HMGCLL1: variants seen among roughly 807,000 people sequenced by gnomAD.
HMGCLL1 encodes the protein 3-hydroxymethyl-3-methylglutaryl-CoA lyase, cytoplasmic.
A neutral mutation model predicts 39.1 loss-of-function variants in HMGCLL1; 36 were observed. The ratio of observed to expected loss-of-function variants is 0.92; its 90% CI spans 0.71 to 1.22. The LOEUF (loss-of-function observed/expected upper bound fraction) is 1.22, where lower values mean the gene tolerates loss of function less well. Among genes scored for constraint, HMGCLL1 ranks in the 50% most tolerant of loss-of-function variants. HMGCLL1 has a pLI of 0.00. For synonymous variants in HMGCLL1, 149 were observed against 144.0 expected (o/e 1.03, Z -0.25); for missense variants, 451 against 416.5 (o/e 1.08, Z -0.72).
intron 1 of HMGCLL1, among the ~76,000 whole-genome samples, chr6:55,545,745 T>C (rs1298632492): frequency 6.6e-6 from 1 of 152,116 alleles, no homozygotes; most frequent in Non-Finnish European, 1.5e-5. Flanking sequence ...TTGTATAACA[T>C]TTAGTTGGAT....
At chr6:55,540,722 G>C (rs763105605) in intron 3 of HMGCLL1, among the ~76,000 whole-genome samples, 2 of 152,114 alleles carry the variant, frequency 1.3e-5, no homozygotes, top group African/African-American at 2.4e-5. Context: ...TTGCACTCCT[G>C]GCATAAAGCA....
chr6:55,623,778 A>G, the HMGCLL1 span, among the ~76,000 whole-genome samples: 2 of 151,830 alleles, frequency 1.3e-5, no homozygotes, highest in Non-Finnish European at 2.9e-5. Flanking sequence ...GTGCATATGT[A>G]TATACACTCA....
the HMGCLL1 span, among the ~76,000 whole-genome samples, chr6:55,621,642 G>T: frequency 1.3e-5 from 2 of 151,790 alleles, no homozygotes; most frequent in Admixed American, 6.6e-5. Context: ...CAAGCTCAGT[G>T]CTCCGACTGT....
At chr6:55,671,174 T>C in the HMGCLL1 span, among the ~76,000 whole-genome samples, 9 of 151,802 alleles carry the variant, frequency 5.9e-5, no homozygotes, top group Non-Finnish European at 1.2e-4. Flanking sequence ...AAGCAGTGAA[T>C]AGGATGAAAT....
At chr6:55,651,192 C>T in the HMGCLL1 span, among the ~76,000 whole-genome samples, 2 of 152,162 alleles carry the variant, frequency 1.3e-5, no homozygotes, top group South Asian at 4.1e-4. Flanking sequence ...GTTCCTGCAG[C>T]ATACTCCCTC....
At chr6:55,666,967 A>G in the HMGCLL1 span, among the ~76,000 whole-genome samples, 1 of 151,504 alleles carries the variant, frequency 6.6e-6, no homozygotes, top group South Asian at 2.1e-4. Flanking sequence ...GCTCCTGCAC[A>G]TCATGTTCTT....
At chr6:55,560,063 T>C (rs1009209668) in intron 1 of HMGCLL1, among the ~76,000 whole-genome samples, 4 of 152,162 alleles carry the variant, frequency 2.6e-5, no homozygotes, top group Non-Finnish European at 5.9e-5. Context: ...GAAAGTGTCA[T>C]TGGGCAAGAT....
the HMGCLL1 span, among the ~76,000 whole-genome samples, chr6:55,612,890 G>C: frequency 6.6e-6 from 1 of 152,190 alleles, no homozygotes; most frequent in East Asian, 1.9e-4. Context: ...ATAGGCATGG[G>C]CAAAGATTTT....
chr6:55,664,634 A>G, the HMGCLL1 span, among the ~76,000 whole-genome samples: 1 of 151,774 alleles, frequency 6.6e-6, no homozygotes, highest in Non-Finnish European at 1.5e-5. Flanking sequence ...CCTTAAAACA[A>G]TAAACATTTA....
intron 1 of HMGCLL1, among the ~76,000 whole-genome samples, chr6:55,543,314 T>C (rs1393303039): frequency 4.2e-5 from 1 of 23,936 alleles, no homozygotes. Context: ...TGATATATAA[T>C]ATATAATATA....
At chr6:55,589,166 G>A in the HMGCLL1 span, among the ~76,000 whole-genome samples, 1 of 152,128 alleles carries the variant, frequency 6.6e-6, no homozygotes, top group Non-Finnish European at 1.5e-5. Flanking sequence ...ATGAAATACT[G>A]GCAAACCGAA....
the HMGCLL1 span, among the ~76,000 whole-genome samples, chr6:55,663,243 T>C: frequency 6.6e-6 from 1 of 151,382 alleles, no homozygotes; most frequent in South Asian, 2.1e-4. Flanking sequence ...GTTGATTTTC[T>C]TTTGCTTCTC....
At chr6:55,446,310 TATAA>T (rs1452323334) in intron 7 of HMGCLL1, among the ~76,000 whole-genome samples, 1 of 148,340 alleles carries the variant, frequency 6.7e-6, no homozygotes, top group African/African-American at 2.4e-5. Context: ...ATACATAATA[TATAA>T]ATATATTTTT....
the HMGCLL1 span, among the ~76,000 whole-genome samples, chr6:55,658,359 TATC>T: frequency 6.6e-6 from 1 of 151,942 alleles, no homozygotes; most frequent in African/African-American, 2.4e-5. Flanking sequence ...CCAACAAAAA[TATC>T]ATCTCTGATC....
intron 3 of HMGCLL1, among the ~76,000 whole-genome samples, chr6:55,540,553 C>G (rs377136801): frequency 2.6e-5 from 4 of 152,084 alleles, no homozygotes; most frequent in African/African-American, 9.7e-5. Flanking sequence ...TCTGCCAGCA[C>G]CTAAATGTTG....
the HMGCLL1 span, among the ~76,000 whole-genome samples, chr6:55,664,816 C>T: frequency 2.9e-4 from 44 of 151,724 alleles, no homozygotes; most frequent in Non-Finnish European, 5.6e-4. Flanking sequence ...TGTTGGCAGC[C>T]CTCAGTCCTT....
the HMGCLL1 span, among the ~76,000 whole-genome samples, chr6:55,595,106 T>A: frequency 4.6e-5 from 7 of 152,214 alleles, no homozygotes; most frequent in African/African-American, 1.7e-4. Flanking sequence ...CTCGAGAAAA[T>A]TGAAAATGAA....
the HMGCLL1 span, among the ~76,000 whole-genome samples, chr6:55,644,521 A>G: frequency 3.9e-5 from 6 of 152,028 alleles, no homozygotes; most frequent in African/African-American, 1.4e-4. Context: ...TAGCAGTTTC[A>G]TAGTTTGAGG....
the HMGCLL1 span, among the ~76,000 whole-genome samples, chr6:55,664,126 C>A: frequency 6.6e-6 from 1 of 151,706 alleles, no homozygotes; most frequent in South Asian, 2.1e-4. Flanking sequence ...TTTTATGCAG[C>A]CTGTCATTCT....
Sources: allele counts gnomAD v4.1 joint callset (sites outside exome capture counted in the v4.1 genomes callset), GRCh38; gene constraint gnomAD v4.1.1; transcripts MANE v1.5; gene names NCBI Gene and HGNC (gene_info 2026-07-23, HGNC 2026-07-21).